NT5C1B: variants seen among roughly 807,000 people sequenced by gnomAD.
NT5C1B encodes the protein 5'-nucleotidase, cytosolic IB.
NT5C1B carries 44 observed loss-of-function variants against 57.8 expected under a neutral mutation model. The ratio of observed to expected loss-of-function variants is 0.76; its 90% CI spans 0.60 to 0.98. The LOEUF (loss-of-function observed/expected upper bound fraction) is 0.98. Ranked by LOEUF, NT5C1B falls within the 50% of genes least tolerant of loss-of-function variation. The pLI, the probability that NT5C1B is intolerant of heterozygous loss-of-function variation, is 0.00. For missense variants in NT5C1B, 742 were observed against 719.5 expected (o/e 1.03, Z -0.36); for synonymous variants, 284 against 282.6 (o/e 1.00, Z -0.05).
Position 18,587,295 on chromosome 2 carries a change from A to G in NT5C1B, c.120+208T>C, listed in dbSNP as rs563167480. ...AGAGGAGCCTGCTGTGGTTCCACAC[A>G]TTCGAAGTGAACACTAGGGTATGGA... is the stretch of plus-strand genomic sequence containing the variant. On this transcript the variant is annotated intron_variant, in intron 2 of 8. Coordinates refer to ENST00000304081, the Ensembl canonical transcript of NT5C1B. The G allele has an allele frequency of 1.6e-5, 23 of 1,481,658 alleles. No homozygotes were observed. In the South Asian group the frequency reaches 3.1e-4, roughly 20 times the overall value. The allele number at this position is 1,481,658 out of a possible 1,614,324, so 91.8% of individuals were successfully genotyped here. A position where few individuals can be genotyped will look rare whatever the true frequency, so the allele number is the denominator to read the frequency against.
rs757813091 is a variant in NT5C1B, at chr2:18,584,932, C to T, written c.305G>A (p.Ser102Asn). The T allele has an allele frequency of 6.5e-6, 10 of 1,542,876 alleles. No homozygotes were observed. The highest frequency in any genetic ancestry group is 7.8e-6 in the Non-Finnish European group (9 of 1,151,518). The change falls in exon 4 of 9, where the codon AGC (serine) becomes AAC (asparagine). Residue 102 changes from serine to asparagine, a missense_variant. Ser to Asn is a conservative substitution (Grantham distance 46). Transcript: ENST00000304081. The surrounding 1 kb of genome is among the most constrained non-coding windows in gnomAD (Gnocchi z 5.8). ...CGGCGGCGGTGAGGAGTCATGCAGG[C>T]TTGGGGAGGTGGATGGAGTCCGGGA...
chr2:18,572,178 A>C (rs1665266880), intron 8 of NT5C1B, among the ~76,000 whole-genome samples: 1 of 152,076 alleles, frequency 6.6e-6, no homozygotes. Flanking sequence ...TAAAGGAACA[A>C]GGCAGAAAAT....
intron 5 of NT5C1B, chr2:18,583,518 T>A (rs1666369516): frequency 3.6e-6 from 1 of 278,176 alleles, no homozygotes; most frequent in South Asian, 4.0e-5. Context: ...GTCTCATAAG[T>A]ACATTCTACC....
intron 7 of NT5C1B, 130 bp from the exon 8 acceptor site, chr2:18,576,498 T>C (rs1384994195): frequency 9.9e-6 from 13 of 1,307,306 alleles, no homozygotes; most frequent in South Asian, 1.6e-5. Flanking sequence ...TCAACTCCTC[T>C]TCACAACCAC....
chr2:18,567,583 C>T (rs776636826), intron 8 of NT5C1B, among the ~76,000 whole-genome samples: 1 of 152,150 alleles, frequency 6.6e-6, no homozygotes, highest in Non-Finnish European at 1.5e-5. Flanking sequence ...AGTTTGCACC[C>T]TAAGAACAAA....
At chr2:18,577,112 G>T (rs981868404) in intron 6 of NT5C1B, among the ~76,000 whole-genome samples, 1 of 152,118 alleles carries the variant, frequency 6.6e-6, no homozygotes, top group African/African-American at 2.4e-5. Context: ...AATAGTGGTT[G>T]TATTTGGTAC....
Position 18,584,515 on chromosome 2 carries a change from G to A in NT5C1B, c.722C>T (p.Pro241Leu), listed in dbSNP as rs1417839579. 1 of 1,608,308 alleles carries A rather than the reference G, an allele frequency of 6.2e-7. No individual in the cohort carries two copies. Among genetic ancestry groups the A allele is most frequent in the East Asian group, 2.2e-5 (1 of 44,536 alleles). ...GCCAGGGGCGGCGGGCTGGCTCACCGGCCAGGGGCGCGAGCAGCTCGGGTT... is the reference window on the plus strand; with the variant it reads ...GCCAGGGGCGGCGGGCTGGCTCACCAGCCAGGGGCGCGAGCAGCTCGGGTT... Residue 241 changes from proline (P) to leucine (L), a missense_variant and splice_region_variant, in exon 4 of 9, where the codon CCG (proline) becomes CTG (leucine). Pro to Leu is a moderately conservative substitution (Grantham distance 98). Transcript: ENST00000304081. This position sits in a 1 kb window ranked among gnomAD's most constrained non-coding sequence, Gnocchi z 5.8.
In NT5C1B at chr2:18,579,206, C is replaced by A. The variant is rs575688060; in HGVS notation, c.1022-2311G>T. Among the ~76,000 whole-genome samples the A allele has an allele frequency of 5.4e-4, 82 of 152,254 alleles. No homozygotes were observed. The South Asian group carries it at 8.3e-3, about 15-fold the overall frequency. ...GAAGAATCAATTTTGTTAAAATGGCCATACTGCCCAAAGCAATTTACAGAT... is the reference window on the plus strand; with the variant it reads ...GAAGAATCAATTTTGTTAAAATGGCAATACTGCCCAAAGCAATTTACAGAT... On this transcript the variant is annotated intron_variant, in intron 6 of 8. Transcript: ENST00000304081.
chr2:18,582,724 A>G (rs1218507389), intron 6 of NT5C1B, 144 bp downstream of exon 6: 2 of 1,270,296 alleles, frequency 1.6e-6, no homozygotes, highest in African/African-American at 1.5e-5. Context: ...TTGTTCTGAC[A>G]TAGGCAAATA....
At chr2:18,576,538 C>G (rs576088999) in intron 7 of NT5C1B, among the ~76,000 whole-genome samples, 170 bp from the exon 8 acceptor site, 1 of 152,222 alleles carries the variant, frequency 6.6e-6, no homozygotes, top group Non-Finnish European at 1.5e-5. Flanking sequence ...TATGCACTGC[C>G]TCTGTTTCTA....
intron 6 of NT5C1B, among the ~76,000 whole-genome samples, chr2:18,578,844 A>G (rs981699671): frequency 7.2e-5 from 11 of 152,218 alleles, no homozygotes; most frequent in African/African-American, 2.7e-4. Flanking sequence ...GAAAGAGAGG[A>G]AATCAGATTA....
intron 2 of NT5C1B, 180 bp downstream of exon 2, chr2:18,587,323 G>T: frequency 6.8e-7 from 1 of 1,472,466 alleles, no homozygotes; most frequent in Admixed American, 2.4e-5. Flanking sequence ...GGTATGGATG[G>T]AGGGGAAGGC....
intron 2 of NT5C1B, chr2:18,586,815 G>A: frequency 8.8e-7 from 1 of 1,138,230 alleles, no homozygotes; most frequent in South Asian, 1.6e-5. Flanking sequence ...GAGGTTGCAG[G>A]GGGACTCTAA....
At chr2:18,585,153 C>T (rs769713010) in intron 3 of NT5C1B, 175 bp from the exon 4 acceptor site, 2 of 860,188 alleles carry the variant, frequency 2.3e-6, no homozygotes, top group South Asian at 2.6e-5. Context: ...TTTGATATTT[C>T]TGTTAAACAG....
intron 2 of NT5C1B, chr2:18,587,023 C>A: frequency 6.2e-7 from 1 of 1,614,194 alleles, no homozygotes; most frequent in Non-Finnish European, 8.5e-7. Flanking sequence ...TGGCCCTGCT[C>A]CCACAACAGG....
chr2:18,564,994 G>A (rs570807076), intron 8 of NT5C1B, among the ~76,000 whole-genome samples: 2 of 152,008 alleles, frequency 1.3e-5, no homozygotes, highest in Middle Eastern at 3.4e-3. Flanking sequence ...ATGAAAGCAG[G>A]GCATTTCTTC....
chr2:18,586,534 C>A, intron 2 of NT5C1B, 143 bp from the exon 3 acceptor site: 1 of 1,222,902 alleles, frequency 8.2e-7, no homozygotes, highest in Non-Finnish European at 1.1e-6. Flanking sequence ...TTAACTCAAC[C>A]TGAACTCTTC....
intron 8 of NT5C1B, among the ~76,000 whole-genome samples, chr2:18,564,477 G>A (rs185880706): frequency 9.3e-4 from 142 of 152,292 alleles, no homozygotes; most frequent in African/African-American, 3.3e-3. Context: ...ACTCTAATTA[G>A]TTACCAAAGC....
chr2:18,569,923 A>G (rs1664997507), intron 8 of NT5C1B, among the ~76,000 whole-genome samples: 1 of 152,142 alleles, frequency 6.6e-6, no homozygotes. Flanking sequence ...AATACACATG[A>G]CATATTCATC....
Sources: allele counts gnomAD v4.1 joint callset (sites outside exome capture counted in the v4.1 genomes callset), GRCh38; gene constraint gnomAD v4.1.1; non-coding constraint Gnocchi (gnomAD v3.1); transcripts MANE v1.5; gene names NCBI Gene and HGNC (gene_info 2026-07-23, HGNC 2026-07-21).